SYN3: variants seen among roughly 807,000 people sequenced by gnomAD.
SYN3 encodes the protein synapsin III.
Under a neutral mutation model 65.8 loss-of-function variants are expected in SYN3, and 35 were observed. The observed-to-expected ratio is 0.53, with a 90% CI of 0.41 to 0.70. The LOEUF (loss-of-function observed/expected upper bound fraction) is 0.70. SYN3 is among the 30% of genes least tolerant of loss of function. The probability of loss-of-function intolerance (pLI) is 0.00; values close to 1 mark genes in which losing one functional copy is unlikely to be tolerated. For synonymous variants in SYN3, 270 were observed against 292.9 expected (o/e 0.92, Z 0.80); for missense variants, 680 against 749.0 (o/e 0.91, Z 1.08).
chr22:33,018,321 G>C (rs2053503502), intron 1 of SYN3, among the ~76,000 whole-genome samples: 2 of 152,238 alleles, frequency 1.3e-5, no homozygotes, highest in Admixed American at 1.3e-4. Context: ...ACAAGGTGCG[G>C]ATGAGAGGGA....
At chr22:32,792,271 C>A (rs9609634) in intron 6 of SYN3, among the ~76,000 whole-genome samples, 85 of 152,294 alleles carry the variant, frequency 5.6e-4, no homozygotes, top group Non-Finnish European at 1.1e-3. Flanking sequence ...ACATCACAGG[C>A]CTTCGTTGGT....
chr22:33,049,623 T>C (rs1227341443), intron 1 of SYN3, among the ~76,000 whole-genome samples: 1 of 152,218 alleles, frequency 6.6e-6, no homozygotes, highest in African/African-American at 2.4e-5. Context: ...ACCAATTAAT[T>C]AAATTCAATA....
rs575075362 is a variant in SYN3 at position 32,855,198 on chromosome 22, G to A, written c.711+9717C>T. Among the ~76,000 whole-genome samples, 156 of 152,260 alleles carry A rather than the reference G, an allele frequency of 1.0e-3. 1 individual carries two copies. Among genetic ancestry groups the A allele is most frequent in the Middle Eastern group, 3.4e-3 (1 of 294 alleles). ...TTGTGCAACACCTTGGTGCCCCACC[G>A]CCCCCGTTACCAAATCTCACAGTTC... On this transcript the variant is annotated intron_variant, in intron 6 of 13. Transcript: ENST00000358763.
intron 1 of SYN3, among the ~76,000 whole-genome samples, chr22:33,031,049 A>G (rs73162088): frequency 0.026 from 4,030 of 152,314 alleles, 136 homozygotes; most frequent in African/African-American, 0.073. Context: ...GGCCCTGCTG[A>G]GCACCAGCTG....
chr22:32,878,674 C>T (rs1272042002), intron 4 of SYN3, among the ~76,000 whole-genome samples: 2 of 152,222 alleles, frequency 1.3e-5, no homozygotes, highest in African/African-American at 4.8e-5. Flanking sequence ...TTCATTTCCA[C>T]AATGCTCTCT....
chr22:32,596,411 C>G (rs933929186), intron 7 of SYN3, among the ~76,000 whole-genome samples: 1 of 152,216 alleles, frequency 6.6e-6, no homozygotes, highest in Non-Finnish European at 1.5e-5. Context: ...TCTTTCTCTT[C>G]AGTCGCAATC....
chr22:32,917,988 C>T (rs1328848654), intron 4 of SYN3, among the ~76,000 whole-genome samples: 1 of 152,226 alleles, frequency 6.6e-6, no homozygotes, highest in Non-Finnish European at 1.5e-5. Context: ...CTGCTGGGCC[C>T]CTGGACGACC....
At chr22:32,651,895 A>G (rs1601844881) in intron 6 of SYN3, among the ~76,000 whole-genome samples, 1 of 152,156 alleles carries the variant, frequency 6.6e-6, no homozygotes, top group South Asian at 2.1e-4. Flanking sequence ...GGTTTTCACA[A>G]TGAGGGGAAT....
In SYN3 at chr22:33,006,711, T is replaced by G. The variant is rs780382847; in HGVS notation, c.-49A>C. On this transcript the variant is annotated 5_prime_UTR_variant, in exon 2 of 14. Transcript: ENST00000358763. ...TGGCTCCTACCCAGACGTGTGTAGGTGAGGCCCAGAAGACAGGCTGCTGCC... is the reference window on the plus strand; with the variant it reads ...TGGCTCCTACCCAGACGTGTGTAGGGGAGGCCCAGAAGACAGGCTGCTGCC... The G allele has an allele frequency of 8.6e-6, 13 of 1,514,528 alleles. 1 individual carries two copies. The South Asian group carries it at 1.7e-4, about 20-fold the overall frequency. 93.8% of individuals were successfully genotyped at this position (1,514,528 alleles called of 1,614,324 possible).
chr22:32,624,603 G>A (rs1371629918), intron 6 of SYN3, among the ~76,000 whole-genome samples: 1 of 152,202 alleles, frequency 6.6e-6, no homozygotes, highest in African/African-American at 2.4e-5. Flanking sequence ...CCACACCCAT[G>A]GATAAAGATT....
intron 2 of SYN3, among the ~76,000 whole-genome samples, chr22:33,004,900 A>G (rs1002138393): frequency 6.6e-6 from 1 of 152,160 alleles, no homozygotes; most frequent in African/African-American, 2.4e-5. Context: ...TGTAGTTCCC[A>G]TAATCCTCAT....
At position 33,032,460 on chromosome 22, in the gene SYN3, G is replaced by A. The variant is rs138185657; in HGVS notation, c.-162-25636C>T. ...ACGAAGGTTGCAATAAGCTGAGATC[G>A]TGCCACTGCACTCCAGCCTGGGTGA... is the stretch of plus-strand genomic sequence containing the variant. On this transcript the variant is annotated intron_variant, in intron 1 of 13. Coordinates refer to ENST00000358763, the MANE Select transcript of SYN3 (RefSeq NM_003490.4). Among the ~76,000 whole-genome samples, 261 of 151,676 alleles carry A rather than the reference G, an allele frequency of 1.7e-3. 3 individuals carry two copies. Among genetic ancestry groups the A allele is most frequent in the African/African-American group, 6.1e-3 (251 of 41,332 alleles).
rs190511146 is a variant in SYN3 at position 32,853,280 on chromosome 22, A to G, written c.711+11635T>C. Among the ~76,000 whole-genome samples, 41 of 152,280 alleles carry G rather than the reference A, an allele frequency of 2.7e-4. 1 individual carries two copies. In the East Asian group the frequency reaches 7.7e-3, roughly 29 times the overall value. On this transcript the variant is annotated intron_variant, in intron 6 of 13. Transcript: ENST00000358763. Reference sequence around the variant, plus strand: ...ATTCTCTGCCTGTCCTGCTAGACAAATTGCTGTATAGAGAAAGATCATGGC... The same window carrying G: ...ATTCTCTGCCTGTCCTGCTAGACAAGTTGCTGTATAGAGAAAGATCATGGC...
intron 4 of SYN3, among the ~76,000 whole-genome samples, chr22:32,901,122 T>A (rs1264890309): frequency 6.6e-6 from 1 of 152,206 alleles, no homozygotes; most frequent in Non-Finnish European, 1.5e-5. Context: ...GGTGTATGCT[T>A]AAAAGCTTAT....
At chr22:32,939,472 T>C (rs2050874606) in intron 3 of SYN3, among the ~76,000 whole-genome samples, 1 of 152,192 alleles carries the variant, frequency 6.6e-6, no homozygotes. Context: ...GATCAAGATA[T>C]AGATCATTTC....
At chr22:32,832,737 C>G (rs1448877509) in intron 6 of SYN3, among the ~76,000 whole-genome samples, 1 of 151,876 alleles carries the variant, frequency 6.6e-6, no homozygotes, top group African/African-American at 2.4e-5. Context: ...ACTCGCCCCT[C>G]TCTTTTTCTG....
chr22:32,911,466 G>C (rs973005744), intron 4 of SYN3, among the ~76,000 whole-genome samples: 1 of 152,122 alleles, frequency 6.6e-6, no homozygotes, highest in Non-Finnish European at 1.5e-5. Context: ...GTGTTTGGTG[G>C]AGAGAGAATA....
intron 6 of SYN3, among the ~76,000 whole-genome samples, chr22:32,768,009 T>C (rs1431676736): frequency 1.3e-5 from 2 of 152,216 alleles, no homozygotes; most frequent in Admixed American, 6.5e-5. Context: ...AGGTATTTCT[T>C]TAGTTCAGAG....
chr22:32,933,534 T>C (rs1361341839), intron 3 of SYN3, among the ~76,000 whole-genome samples: 2 of 152,182 alleles, frequency 1.3e-5, no homozygotes, highest in East Asian at 3.9e-4. Flanking sequence ...TTTCAAGCAA[T>C]TCTCCTGCCT....
Sources: allele counts gnomAD v4.1 joint callset (sites outside exome capture counted in the v4.1 genomes callset), GRCh38; gene constraint gnomAD v4.1.1; transcripts MANE v1.5; gene names NCBI Gene and HGNC (gene_info 2026-07-23, HGNC 2026-07-21).